The following UBE2E3 variants were observed in gnomAD, a reference collection of about 807,000 sequenced individuals.
The protein encoded by UBE2E3 is ubiquitin-conjugating enzyme E2 E3.
UBE2E3 carries 5 observed loss-of-function variants against 23.6 expected under a neutral mutation model. The observed-to-expected ratio is 0.21, with a 90% CI of 0.11 to 0.44. UBE2E3 has a LOEUF of 0.44. Ranked by LOEUF, UBE2E3 falls within the 20% of genes least tolerant of loss-of-function variation. The probability of loss-of-function intolerance (pLI) is 0.99; values close to 1 mark genes in which losing one functional copy is unlikely to be tolerated. For missense variants in UBE2E3, 81 were observed against 249.8 expected, an observed-to-expected ratio of 0.32 and a Z score of 4.55; for synonymous variants, 78 against 87.5, an observed-to-expected ratio of 0.89 and a Z score of 0.60.
intron 4 of UBE2E3, among the ~76,000 whole-genome samples, chr2:181,060,299 C>T (rs1687105759): frequency 6.6e-6 from 1 of 151,634 alleles, no homozygotes. Context: ...TTACCTTCGG[C>T]ACCAAAACAT....
chr2:180,981,641 C>T (rs1684297162), intron 1 of UBE2E3, among the ~76,000 whole-genome samples: 1 of 152,142 alleles, frequency 6.6e-6, no homozygotes, highest in African/African-American at 2.4e-5. Flanking sequence ...AATATTTAGA[C>T]GTTATTAGTG....
chr2:181,057,893 T>A, intron 4 of UBE2E3, 68 bp downstream of exon 4: 1 of 1,479,690 alleles, frequency 6.8e-7, no homozygotes, highest in Non-Finnish European at 9.3e-7. Context: ...TTCTAGAACT[T>A]AAATGTGTAT....
chr2:180,986,090 T>G (rs141641923), intron 3 of UBE2E3, among the ~76,000 whole-genome samples: 1 of 152,154 alleles, frequency 6.6e-6, no homozygotes, highest in Non-Finnish European at 1.5e-5. Context: ...ATCAGACTAG[T>G]GAAACATCAA....
At chr2:181,057,945 A>C in intron 4 of UBE2E3, 120 bp downstream of exon 4, 1 of 1,098,232 alleles carries the variant, frequency 9.1e-7, no homozygotes, top group East Asian at 2.5e-5. Context: ...ATGGATTGAT[A>C]TGGAAATTTT....
At chr2:180,991,633 AT>A (rs1224466325) in intron 3 of UBE2E3, among the ~76,000 whole-genome samples, 1 of 151,684 alleles carries the variant, frequency 6.6e-6, no homozygotes, top group Non-Finnish European at 1.5e-5. Flanking sequence ...AAAACATGAG[AT>A]TTTTTTTGCG....
chr2:181,024,341 A>C (rs1268212650), intron 3 of UBE2E3, among the ~76,000 whole-genome samples: 1 of 152,134 alleles, frequency 6.6e-6, no homozygotes, highest in Non-Finnish European at 1.5e-5. Context: ...CTACGATTCT[A>C]CCATCCTATT....
intron 5 of UBE2E3, among the ~76,000 whole-genome samples, chr2:181,061,916 G>A (rs1162814793): frequency 1.3e-5 from 2 of 151,308 alleles, no homozygotes; most frequent in Non-Finnish European, 3.0e-5. Context: ...TCCTTTATTA[G>A]AGTATTGGAA....
At chr2:181,021,424 C>T (rs1254355548) in intron 3 of UBE2E3, among the ~76,000 whole-genome samples, 8 of 131,594 alleles carry the variant, frequency 6.1e-5, no homozygotes, top group African/African-American at 1.7e-4. Context: ...TCCCTCCCTT[C>T]CTCCCTTCCT....
intron 3 of UBE2E3, among the ~76,000 whole-genome samples, chr2:181,006,399 C>T (rs575728964): frequency 5.4e-4 from 81 of 150,770 alleles, no homozygotes; most frequent in Non-Finnish European, 1.1e-3. Flanking sequence ...TGTTGCCTTC[C>T]ACCTTTTGCC....
intron 3 of UBE2E3, among the ~76,000 whole-genome samples, chr2:181,033,828 T>G (rs570068634): frequency 6.6e-6 from 1 of 151,786 alleles, no homozygotes; most frequent in African/African-American, 2.4e-5. Flanking sequence ...TCAAACAAAT[T>G]TAGAAGAAAA....
At chr2:181,003,764 A>C (rs1228843304) in intron 3 of UBE2E3, among the ~76,000 whole-genome samples, 1 of 152,232 alleles carries the variant, frequency 6.6e-6, no homozygotes, top group East Asian at 1.9e-4. Context: ...AATTGTTACA[A>C]GTATCACTTA....
At chr2:180,996,023 A>G (rs1684812249) in intron 3 of UBE2E3, among the ~76,000 whole-genome samples, 1 of 152,096 alleles carries the variant, frequency 6.6e-6, no homozygotes, top group South Asian at 2.1e-4. Context: ...TATCCTTTTC[A>G]GAATGATTGT....
chr2:181,034,926 AT>A (rs1307305751), intron 3 of UBE2E3, among the ~76,000 whole-genome samples: 1 of 152,212 alleles, frequency 6.6e-6, no homozygotes, highest in African/African-American at 2.4e-5. Context: ...AAATACTAAC[AT>A]TAGGGAAGAT....
At chr2:180,982,348 A>G (rs1559109433) in intron 2 of UBE2E3, 112 bp downstream of exon 2, 1 of 946,044 alleles carries the variant, frequency 1.1e-6, no homozygotes, top group East Asian at 2.4e-5. Flanking sequence ...TTACTTCATT[A>G]TCAGTTTAAT....
rs1685140800 is a variant in UBE2E3 at position 181,006,108 on chromosome 2, G to A, written c.245+22015G>A. Among the ~76,000 whole-genome samples the A allele has an allele frequency of 2.0e-5, 3 of 152,316 alleles. No individual in the cohort carries two copies. The Middle Eastern group carries it at 0.01, about 518-fold the overall frequency. ...AACAGAATTGGGAGGCATTTCCAGA[G>A]TCTCTTACTCTGACAGCAAGGCAGA... On this transcript the variant is annotated intron_variant, in intron 3 of 5. Transcript: ENST00000410062.
At chr2:181,041,525 G>A (rs551611399) in intron 3 of UBE2E3, among the ~76,000 whole-genome samples, 1 of 151,506 alleles carries the variant, frequency 6.6e-6, no homozygotes, top group African/African-American at 2.4e-5. Context: ...TGCAACCTCT[G>A]CCTCCCAGGT....
intron 3 of UBE2E3, among the ~76,000 whole-genome samples, chr2:181,038,544 T>G (rs1186906903): frequency 6.6e-6 from 1 of 152,156 alleles, no homozygotes; most frequent in Non-Finnish European, 1.5e-5. Context: ...AGAGCAAAAT[T>G]TTATGCCCTT....
chr2:180,994,105 G>A (rs1384957566), intron 3 of UBE2E3, among the ~76,000 whole-genome samples: 1 of 152,148 alleles, frequency 6.6e-6, no homozygotes, highest in Admixed American at 6.5e-5. Flanking sequence ...GTTTACACCA[G>A]TGTCCTTGTA....
chr2:181,007,649 G>A lies in UBE2E3; in HGVS notation c.245+23556G>A, dbSNP rs547895038. Reference sequence around the variant, plus strand: ...CTCCAGAGTTACCATCCTGGAAGGGGCAGTGTGTCAATGTATTCTTTCTGC... The same window carrying A: ...CTCCAGAGTTACCATCCTGGAAGGGACAGTGTGTCAATGTATTCTTTCTGC... On this transcript the variant is annotated intron_variant, in intron 3 of 5. Transcript: ENST00000410062. Among the ~76,000 whole-genome samples the A allele has an allele frequency of 1.6e-3, 239 of 152,226 alleles. 1 individual carries two copies. Among genetic ancestry groups the A allele is most frequent in the African/African-American group, 5.2e-3 (218 of 41,542 alleles).
Sources: gnomAD v4.1 joint callset for allele counts (sites outside exome capture counted in the v4.1 genomes callset) on GRCh38, gnomAD v4.1.1 for gene constraint, MANE v1.5 for transcripts, NCBI Gene and HGNC (gene_info 2026-07-23, HGNC 2026-07-21) for gene names.